CDH4: variants seen among roughly 807,000 people sequenced by gnomAD.
CDH4 encodes the protein cadherin 4, also known as cadherin-4.
A neutral mutation model predicts 86.0 loss-of-function variants in CDH4; 33 were observed. That is an observed-to-expected ratio of 0.38 (90% CI 0.29 to 0.51). The LOEUF (loss-of-function observed/expected upper bound fraction) is 0.51, where lower values mean the gene tolerates loss of function less well. Ranked by LOEUF, CDH4 falls within the 20% of genes least tolerant of loss-of-function variation. The pLI, the probability that CDH4 is intolerant of heterozygous loss-of-function variation, is 0.86. For missense variants in CDH4, 1,114 were observed against 1,307.4 expected, an observed-to-expected ratio of 0.85 and a Z score of 2.28; for synonymous variants, 555 against 549.4, an observed-to-expected ratio of 1.01 and a Z score of -0.14.
At chr20:61,327,888 C>T (rs1332075117) in intron 2 of CDH4, among the ~76,000 whole-genome samples, 1 of 152,096 alleles carries the variant, frequency 6.6e-6, no homozygotes, top group Non-Finnish European at 1.5e-5. Flanking sequence ...AGACGGCTTG[C>T]GTAAAGGATC....
At chr20:61,569,814 G>A (rs1050349847) in intron 2 of CDH4, among the ~76,000 whole-genome samples, 3 of 152,142 alleles carry the variant, frequency 2.0e-5, no homozygotes, top group Admixed American at 6.5e-5. Flanking sequence ...GCCTAACACT[G>A]CTGTTCCTGC....
intron 2 of CDH4, chr20:61,718,903 G>A (rs749133753): frequency 4.2e-6 from 2 of 471,080 alleles, no homozygotes; most frequent in Admixed American, 4.7e-5. Context: ...TCTGCTGCTT[G>A]TTGGAGCTCT....
intron 2 of CDH4, among the ~76,000 whole-genome samples, chr20:61,627,428 C>T (rs898066268): frequency 2.0e-5 from 3 of 152,136 alleles, no homozygotes; most frequent in South Asian, 2.1e-4. Flanking sequence ...GACCTCTGTG[C>T]TCTGTGGGGT....
At position 61,805,160 on chromosome 20, in the gene CDH4, C is replaced by T. The variant is rs138435411; in HGVS notation, c.576+31978C>T. Among the ~76,000 whole-genome samples the T allele has an allele frequency of 8.5e-5, 13 of 152,296 alleles. No individual in the cohort carries two copies. In the East Asian group the frequency reaches 1.4e-3, roughly 16 times the overall value. ...TCATATGCCCAGCCGGAAGCCGGTA[C>T]GGTGCTGAGAAGACTCTAGGCTCTG... On this transcript the variant is annotated intron_variant, in intron 4 of 15. Coordinates refer to ENST00000614565, the MANE Select transcript of CDH4 (RefSeq NM_001794.5).
chr20:61,846,400 T>G (rs1279029074), intron 5 of CDH4, among the ~76,000 whole-genome samples: 9 of 152,180 alleles, frequency 5.9e-5, no homozygotes, highest in Non-Finnish European at 1.0e-4. Context: ...CAAAACGGGC[T>G]TTGGGCTGCC....
intron 2 of CDH4, among the ~76,000 whole-genome samples, chr20:61,444,121 T>A (rs919879346): frequency 6.6e-6 from 1 of 151,290 alleles, no homozygotes; most frequent in African/African-American, 2.4e-5. Context: ...TGTGTATCTC[T>A]ATATGTGTCT....
intron 8 of CDH4, among the ~76,000 whole-genome samples, chr20:61,904,132 G>A (rs750721000): frequency 7.2e-5 from 11 of 152,196 alleles, no homozygotes; most frequent in Non-Finnish European, 1.5e-4. Flanking sequence ...TGCAGGGCCC[G>A]TAGCCCCACC....
At position 61,894,890 on chromosome 20, in the gene CDH4, A is replaced by T. The variant is rs1383318561; in HGVS notation, c.1051-20A>T. 3 of 1,601,734 alleles carry T rather than the reference A, an allele frequency of 1.9e-6. No individual in the cohort carries two copies. The highest frequency in any genetic ancestry group is 2.6e-6 in the Non-Finnish European group (3 of 1,174,028). On this transcript the variant is annotated intron_variant, in intron 7 of 15. Coordinates refer to ENST00000614565, the MANE Select transcript of CDH4 (RefSeq NM_001794.5). ...CCAAACTGATTTTCTGTTCTTTCTCAACTGGTGTCTCCCTTCCAGAAAGTT... is the reference window on the plus strand; with the variant it reads ...CCAAACTGATTTTCTGTTCTTTCTCTACTGGTGTCTCCCTTCCAGAAAGTT...
At chr20:61,364,348 C>T (rs184597855) in intron 2 of CDH4, among the ~76,000 whole-genome samples, 11 of 151,314 alleles carry the variant, frequency 7.3e-5, no homozygotes, top group East Asian at 1.9e-4. Flanking sequence ...TAGGCAACAC[C>T]GCAGGGCTAT....
chr20:61,634,670 C>T (rs1247309301), intron 2 of CDH4, among the ~76,000 whole-genome samples: 1 of 152,246 alleles, frequency 6.6e-6, no homozygotes, highest in Non-Finnish European at 1.5e-5. Context: ...GTAAACTACA[C>T]TTAACATAAG....
chr20:61,499,508 C>G, intron 2 of CDH4: 1 of 1,288,882 alleles, frequency 7.8e-7, no homozygotes, highest in Non-Finnish European at 1.0e-6. Context: ...TGTGAGTGTG[C>G]TAGGGGGGCT....
chr20:61,313,131 C>T (rs562960014), intron 2 of CDH4, among the ~76,000 whole-genome samples: 3 of 152,306 alleles, frequency 2.0e-5, no homozygotes, highest in Admixed American at 1.3e-4. Flanking sequence ...CTGTGCTATG[C>T]GGGCTCATCG....
At chr20:61,794,797 G>A (rs926527033) in intron 4 of CDH4, among the ~76,000 whole-genome samples, 1 of 152,310 alleles carries the variant, frequency 6.6e-6, no homozygotes, top group East Asian at 1.9e-4. Context: ...GGTCCTGCCT[G>A]CCTGCTCTCA....
intron 2 of CDH4, among the ~76,000 whole-genome samples, chr20:61,477,400 G>T (rs903172939): frequency 6.6e-6 from 1 of 152,246 alleles, no homozygotes; most frequent in African/African-American, 2.4e-5. Context: ...CCAAAGGCAG[G>T]TATTGTCAAG....
intron 2 of CDH4, among the ~76,000 whole-genome samples, chr20:61,514,471 TG>T (rs1015559777): frequency 2.0e-5 from 3 of 152,170 alleles, no homozygotes; most frequent in Admixed American, 6.5e-5. Context: ...CTAACTTCCT[TG>T]GGGGGCTCTT....
chr20:61,266,278 CA>C (rs2084157787), intron 2 of CDH4, among the ~76,000 whole-genome samples: 1 of 151,888 alleles, frequency 6.6e-6, no homozygotes, highest in Admixed American at 6.6e-5. Flanking sequence ...AATGAATTTC[CA>C]GCCCCAGAGT....
intron 4 of CDH4, among the ~76,000 whole-genome samples, chr20:61,839,550 TG>T: frequency 1.3e-5 from 2 of 151,598 alleles, no homozygotes; most frequent in South Asian, 2.1e-4. Context: ...GTATTGTGTG[TG>T]TTGTGTGTGC....
intron 3 of CDH4, among the ~76,000 whole-genome samples, chr20:61,747,341 G>A (rs562753062): frequency 1.7e-4 from 26 of 151,376 alleles, no homozygotes; most frequent in African/African-American, 5.6e-4. Context: ...CCAGATCCTC[G>A]AGAAGCTGAG....
Position 61,383,762 on chromosome 20 carries a change from TGAAGATATATATG to T in CDH4, c.169+128826_169+128838del, listed in dbSNP as rs1173172258. ...ATATATGAAGATATATGCATATATA[TGAAGATATATATG>T]CATATATATGAAGATATATATGCAT... On this transcript the variant is annotated intron_variant, in intron 2 of 15. Transcript: ENST00000614565. Among the ~76,000 whole-genome samples the T allele has an allele frequency of 6.8e-4, 49 of 71,944 alleles. 1 individual carries two copies. The highest frequency in any genetic ancestry group is 3.9e-3 in the Admixed American group (28 of 7,256). 47.2% of individuals were successfully genotyped at this position (71,944 alleles called of 152,430 possible).
Sources: allele counts gnomAD v4.1 joint callset (sites outside exome capture counted in the v4.1 genomes callset), GRCh38; gene constraint gnomAD v4.1.1; transcripts MANE v1.5; gene names NCBI Gene and HGNC (gene_info 2026-07-23, HGNC 2026-07-21).